The following MYPN variants were observed in gnomAD, a reference collection of about 807,000 sequenced individuals.
MYPN encodes sarcomeric protein myopalladin, 145 kDa (MYOP).
Under a neutral mutation model 129.4 loss-of-function variants are expected in MYPN, and 63 were observed. The ratio of observed to expected loss-of-function variants is 0.49; its 90% CI spans 0.40 to 0.60. MYPN has a LOEUF of 0.60. Ranked by LOEUF, MYPN falls within the 20% of genes least tolerant of loss-of-function variation. The pLI, the probability that MYPN is intolerant of heterozygous loss-of-function variation, is 0.00. For missense variants in MYPN, 1,596 were observed against 1,635.4 expected, an observed-to-expected ratio of 0.98 and a Z score of 0.42; for synonymous variants, 629 against 600.9, an observed-to-expected ratio of 1.05 and a Z score of -0.68.
intron 1 of MYPN, among the ~76,000 whole-genome samples, chr10:68,115,185 G>A (rs2042138239): frequency 6.6e-6 from 1 of 151,200 alleles, no homozygotes; most frequent in Admixed American, 6.6e-5. Flanking sequence ...CTTGAACCCA[G>A]GAGGCAGAGG....
At position 68,121,503 on chromosome 10, in the gene MYPN, C is replaced by T. The variant is rs145142157; in HGVS notation, c.65C>T (p.Ala22Val). ...CAGCTTCTAAGAGAGAGCTATTTAG[C>T]TGAAACCAGACATCGGGGAAACAAT... ...ISQLLRESYL[A>V]ETRHRGNNER... The change falls in exon 2 of 20, where the codon GCT (alanine) becomes GTT (valine). Residue 22 changes from alanine to valine, a missense_variant. Transcript: ENST00000358913. The T allele has an allele frequency of 1.2e-6, 2 of 1,614,060 alleles. No individual in the cohort carries two copies. The highest frequency in any genetic ancestry group is 8.5e-7 in the Non-Finnish European group (1 of 1,180,024).
chr10:68,173,154 A>G (rs2043167937), intron 10 of MYPN, among the ~76,000 whole-genome samples: 2 of 152,336 alleles, frequency 1.3e-5, no homozygotes, highest in South Asian at 2.1e-4. Flanking sequence ...ATGGGGACAT[A>G]TGGTCACCTT....
chr10:68,166,226 A>C, intron 9 of MYPN, 68 bp from the exon 10 acceptor site: 1 of 1,598,716 alleles, frequency 6.3e-7, no homozygotes, highest in Non-Finnish European at 8.6e-7. Context: ...ACACTTTCCC[A>C]TTTGTGCACA....
At chr10:68,118,174 T>G (rs2042185475) in intron 1 of MYPN, among the ~76,000 whole-genome samples, 1 of 152,216 alleles carries the variant, frequency 6.6e-6, no homozygotes, top group South Asian at 2.1e-4. Flanking sequence ...TCTAAGAATT[T>G]TATTTTCTAT....
chr10:68,140,237 G>A (rs543433831), intron 2 of MYPN, among the ~76,000 whole-genome samples: 1 of 152,100 alleles, frequency 6.6e-6, no homozygotes, highest in East Asian at 1.9e-4. Flanking sequence ...ATGGGAGATG[G>A]GGTCCAGAAA....
intron 3 of MYPN, among the ~76,000 whole-genome samples, chr10:68,143,482 A>G (rs994831193): frequency 2.6e-5 from 4 of 152,204 alleles, no homozygotes; most frequent in African/African-American, 9.6e-5. Context: ...CAGAAAAATC[A>G]GCAAGTGCAG....
chr10:68,150,054 C>A lies in MYPN; in HGVS notation c.1260C>A (p.Thr420=), dbSNP rs2042741549. 1 of 1,613,772 alleles carries A rather than the reference C, an allele frequency of 6.2e-7. No homozygotes were observed. The part of the protein sequence containing the change: ...VATIQQCQSP[T]NYLQGLDGKP... ...CCTTCTACCAGTGTCAGAGCCCCAC[C>A]AATTACTTGCAGGGATTGGATGGAA... is the stretch of plus-strand genomic sequence containing the variant. The change falls in exon 6 of 20, where the codon ACC becomes ACA. Residue 420 remains threonine, a synonymous_variant. Coordinates refer to ENST00000358913, the MANE Select transcript of MYPN (RefSeq NM_032578.4).
At chr10:68,109,071 C>T (rs1564640286), upstream of MYPN, among the ~76,000 whole-genome samples, 1 of 152,048 alleles carries the variant, frequency 6.6e-6, no homozygotes, top group Non-Finnish European at 1.5e-5. Context: ...AGCCTTTGGA[C>T]GAACAATCCA....
chr10:68,152,356 C>T (rs558244492), intron 6 of MYPN, among the ~76,000 whole-genome samples: 34 of 152,164 alleles, frequency 2.2e-4, no homozygotes, highest in African/African-American at 7.5e-4. Context: ...CTTCAGAATG[C>T]CCTTGCTGAG....
chr10:68,144,499 G>T (rs1564660065), intron 3 of MYPN, among the ~76,000 whole-genome samples: 1 of 152,046 alleles, frequency 6.6e-6, no homozygotes, highest in Non-Finnish European at 1.5e-5. Context: ...TGTGTTGTAT[G>T]TGTATGTGTT....
At chr10:68,166,163 T>A (rs975658847) in intron 9 of MYPN, 131 bp from the exon 10 acceptor site, 3 of 1,051,906 alleles carry the variant, frequency 2.9e-6, no homozygotes, top group Admixed American at 1.8e-5. Context: ...AATGCCCAGA[T>A]GATGATCTGT....
chr10:68,116,401 G>A (rs898052625), intron 1 of MYPN, among the ~76,000 whole-genome samples: 10 of 152,170 alleles, frequency 6.6e-5, no homozygotes, highest in Non-Finnish European at 1.0e-4. Flanking sequence ...TGACAGATGA[G>A]GTTAACTGAG....
chr10:68,168,481 G>A (rs1183319848), intron 10 of MYPN, among the ~76,000 whole-genome samples: 1 of 152,108 alleles, frequency 6.6e-6, no homozygotes, highest in Non-Finnish European at 1.5e-5. Flanking sequence ...CTGCGGCCCA[G>A]GGAAATACAG....
chr10:68,208,376 A>G (rs1455465821), intron 19 of MYPN, among the ~76,000 whole-genome samples: 1 of 152,200 alleles, frequency 6.6e-6, no homozygotes, highest in Non-Finnish European at 1.5e-5. Context: ...TGGAGAAAAT[A>G]TATAATTTTC....
intron 11 of MYPN, 58 bp from the exon 12 acceptor site, chr10:68,175,265 C>T (rs896154685): frequency 1.3e-6 from 2 of 1,595,004 alleles, no homozygotes; most frequent in African/African-American, 1.3e-5. Flanking sequence ...GATTTCTAGG[C>T]CTTTTTACCC....
intron 12 of MYPN, among the ~76,000 whole-genome samples, chr10:68,177,083 A>G (rs2043238858): frequency 6.6e-6 from 1 of 152,188 alleles, no homozygotes; most frequent in Non-Finnish European, 1.5e-5. Context: ...GTTTGATTTT[A>G]CTTTTATAGT....
At chr10:68,094,636 T>C (rs1167134184) in intron 1 of MYPN, among the ~76,000 whole-genome samples, 4 of 143,534 alleles carry the variant, frequency 2.8e-5, no homozygotes, top group African/African-American at 1.0e-4. Flanking sequence ...CTGGCATAGG[T>C]AGCAGCATTT....
chr10:68,194,382 G>T lies in MYPN; in HGVS notation c.2945G>T (p.Gly982Val), dbSNP rs1233709432. Residue 982 changes from glycine to valine, a missense_variant, in exon 14 of 20, where the codon GGG becomes GTG. Physicochemically the swap from Gly to Val is moderately radical, Grantham distance 109. Coordinates refer to ENST00000358913, the MANE Select transcript of MYPN (RefSeq NM_032578.4). ...TTTCAGGTTTACTGGTTCAAAGATG[G>T]GAAGCAGATTTCTAAGAGAAATGAG... ...PVPKVYWFKDGKQISKRNEHC... is the reference protein window; with the variant it reads ...PVPKVYWFKDVKQISKRNEHC... The T allele has an allele frequency of 6.2e-7, 1 of 1,613,142 alleles. No homozygotes were observed. The highest frequency in any genetic ancestry group is 1.7e-5 in the Admixed American group (1 of 59,970).
chr10:68,146,767 C>T (rs1362026013), intron 4 of MYPN, among the ~76,000 whole-genome samples: 1 of 152,220 alleles, frequency 6.6e-6, no homozygotes, highest in Non-Finnish European at 1.5e-5. Flanking sequence ...GGTCATCTCT[C>T]TTAAAATGCA....
Sources: gnomAD v4.1 joint callset for allele counts (sites outside exome capture counted in the v4.1 genomes callset) on GRCh38, gnomAD v4.1.1 for gene constraint, MANE v1.5 for transcripts, NCBI Gene and HGNC (gene_info 2026-07-23, HGNC 2026-07-21) for gene names.